The following DPY19L2 variants were observed in gnomAD, a reference collection of about 807,000 sequenced individuals.
DPY19L2 encodes the protein probable C-mannosyltransferase DPY19L2.
A neutral mutation model predicts 97.9 loss-of-function variants in DPY19L2; 34 were observed. That is an observed-to-expected ratio of 0.35 (90% CI 0.26 to 0.46). DPY19L2 has a LOEUF of 0.46. DPY19L2 is among the 20% of genes least tolerant of loss of function. The pLI is 1.00. For synonymous variants in DPY19L2, 230 were observed against 307.9 expected, an observed-to-expected ratio of 0.75 and a Z score of 2.65; for missense variants, 623 against 911.4, an observed-to-expected ratio of 0.68 and a Z score of 4.07.
intron 6 of DPY19L2, among the ~76,000 whole-genome samples, chr12:63,632,422 T>C (rs1592656705): frequency 1.3e-5 from 2 of 152,018 alleles, no homozygotes; most frequent in East Asian, 1.9e-4. Context: ...ACACCACTAA[T>C]AGACAAACAG....
At chr12:63,596,530 A>G (rs1000667610) in intron 14 of DPY19L2, among the ~76,000 whole-genome samples, 5 of 152,200 alleles carry the variant, frequency 3.3e-5, no homozygotes, top group Non-Finnish European at 7.4e-5. Flanking sequence ...GGAGTAATTT[A>G]CCATGTAACT....
Position 63,645,776 on chromosome 12 carries a change from C to T in DPY19L2, c.710-1280G>A, listed in dbSNP as rs182146194. Among the ~76,000 whole-genome samples, 73 of 152,270 alleles carry T rather than the reference C, an allele frequency of 4.8e-4. 1 individual carries two copies. Among genetic ancestry groups the T allele is most frequent in the African/African-American group, 1.7e-3 (72 of 41,552 alleles). ...ATTTCCACATTATCTTTCCTGCAAT[C>T]ACTTGTTGAGAATATAATTGTCTCC... is the stretch of plus-strand genomic sequence containing the variant. On this transcript the variant is annotated intron_variant, in intron 5 of 21. Transcript: ENST00000324472.
intron 15 of DPY19L2, among the ~76,000 whole-genome samples, chr12:63,594,648 GTGTC>G (rs377206608): frequency 0.09 from 11,421 of 127,102 alleles, 671 homozygotes; most frequent in African/African-American, 0.21. Context: ...GTGTGTGTGC[GTGTC>G]TGTGTGTGTG....
At chr12:63,621,418 T>A in intron 8 of DPY19L2, 81 bp from the exon 9 acceptor site, 1 of 722,738 alleles carries the variant, frequency 1.4e-6, no homozygotes, top group East Asian at 2.7e-5. Context: ...TGCAAAATGA[T>A]AAAATCTACA....
intron 12 of DPY19L2, among the ~76,000 whole-genome samples, chr12:63,602,483 G>A (rs560531911): frequency 6.6e-6 from 1 of 152,226 alleles, no homozygotes; most frequent in Non-Finnish European, 1.5e-5. Flanking sequence ...CAAAACTAGT[G>A]TTTAAATTAT....
At chr12:63,583,189 G>A (rs959371813) in intron 17 of DPY19L2, among the ~76,000 whole-genome samples, 12 of 152,086 alleles carry the variant, frequency 7.9e-5, no homozygotes, top group African/African-American at 2.9e-4. Flanking sequence ...CTCAACATGT[G>A]TCATAAACTA....
At chr12:63,601,811 A>G (rs1041593938) in intron 12 of DPY19L2, among the ~76,000 whole-genome samples, 1 of 152,144 alleles carries the variant, frequency 6.6e-6, no homozygotes, top group African/African-American at 2.4e-5. Context: ...AGAAGGAAAA[A>G]GTATCCAGCA....
chr12:63,626,874 G>A (rs562300233), intron 6 of DPY19L2, among the ~76,000 whole-genome samples: 12 of 152,202 alleles, frequency 7.9e-5, no homozygotes, highest in African/African-American at 2.9e-4. Context: ...CGCCTCCTGG[G>A]TTCCAACGAT....
At chr12:63,658,032 T>C (rs149039635) in intron 4 of DPY19L2, among the ~76,000 whole-genome samples, 2 of 152,270 alleles carry the variant, frequency 1.3e-5, no homozygotes, top group East Asian at 3.9e-4. Flanking sequence ...AGGTGTTATA[T>C]TGCAGTTTGT....
At position 63,664,219 on chromosome 12, in the gene DPY19L2, C is replaced by G. The variant is rs1050277976; in HGVS notation, c.363-374G>C. Reference sequence around the variant, plus strand: ...AGCCATGGTAGTGCATGTCTGTAATCCTGGCTGCTAGGGAGGCTGAGGCAG... The same window carrying G: ...AGCCATGGTAGTGCATGTCTGTAATGCTGGCTGCTAGGGAGGCTGAGGCAG... On this transcript the variant is annotated intron_variant, in intron 2 of 21. Transcript: ENST00000324472. Among the ~76,000 whole-genome samples, 3 of 152,036 alleles carry G rather than the reference C, an allele frequency of 2.0e-5. No homozygotes were observed. The East Asian group carries it at 5.8e-4, about 29-fold the overall frequency.
At chr12:63,584,180 C>T (rs1881400117) in intron 16 of DPY19L2, 1 of 168,542 alleles carries the variant, frequency 5.9e-6, no homozygotes, top group Admixed American at 6.2e-5. Context: ...CTTTAGATGA[C>T]CACTGTTAAA....
At chr12:63,564,133 T>C (rs1331465014) in intron 21 of DPY19L2, among the ~76,000 whole-genome samples, 1 of 152,110 alleles carries the variant, frequency 6.6e-6, no homozygotes, top group Non-Finnish European at 1.5e-5. Flanking sequence ...CTGTCTTCAA[T>C]CTTTTAGTTC....
At chr12:63,652,356 C>G (rs1894370824) in intron 4 of DPY19L2, among the ~76,000 whole-genome samples, 1 of 152,134 alleles carries the variant, frequency 6.6e-6, no homozygotes, top group African/African-American at 2.4e-5. Context: ...CTGTGGAAAG[C>G]AGTTTGGAAA....
intron 6 of DPY19L2, among the ~76,000 whole-genome samples, chr12:63,640,346 A>G (rs796073205): frequency 5.9e-5 from 9 of 152,296 alleles, no homozygotes; most frequent in African/African-American, 1.9e-4. Context: ...AACTTAAAGT[A>G]TAATAATAAT....
chr12:63,654,159 GATAAA>G (rs1185174924), intron 4 of DPY19L2, among the ~76,000 whole-genome samples: 2 of 151,954 alleles, frequency 1.3e-5, no homozygotes, highest in Non-Finnish European at 2.9e-5. Context: ...AAAAAACATG[GATAAA>G]ATAAAACAGG....
At chr12:63,589,775 T>G (rs1419058115) in intron 16 of DPY19L2, among the ~76,000 whole-genome samples, 1 of 152,118 alleles carries the variant, frequency 6.6e-6, no homozygotes, top group Admixed American at 6.5e-5. Flanking sequence ...AGTTGACATC[T>G]TGGAAGAAAC....
intron 16 of DPY19L2, among the ~76,000 whole-genome samples, chr12:63,587,092 G>T (rs1264021737): frequency 6.6e-6 from 1 of 151,768 alleles, no homozygotes; most frequent in Non-Finnish European, 1.5e-5. Context: ...ATAAATACAG[G>T]TAAACCAGGA....
intron 15 of DPY19L2, 119 bp from the exon 16 acceptor site, chr12:63,594,252 A>G (rs2137501146): frequency 5.5e-6 from 4 of 732,650 alleles, no homozygotes; most frequent in Non-Finnish European, 8.7e-6. Context: ...TGTTTAAGGG[A>G]GTCCTCAGGA....
chr12:63,597,866 T>C lies in DPY19L2; in HGVS notation c.1404A>G (p.Thr468=). 6.9e-6 allele frequency: 11 copies of C among 1,605,808 alleles called. No individual in the cohort carries two copies. Among genetic ancestry groups the C allele is most frequent in the Non-Finnish European group, 9.3e-6 (11 of 1,177,546 alleles). Residue 468 remains threonine, a synonymous_variant, in exon 14 of 22, where the codon ACA becomes ACG. Transcript: ENST00000324472. ...AGGTATATATTAAAGTATCAAAATC[T>C]GTATACCTTAAGATTCTGGCTGCTA... The part of the protein sequence containing the change: ...DLIAARILRY[T]DFDTLIYTCA...
Sources: gnomAD v4.1 joint callset for allele counts (sites outside exome capture counted in the v4.1 genomes callset) on GRCh38, gnomAD v4.1.1 for gene constraint, MANE v1.5 for transcripts, NCBI Gene and HGNC (gene_info 2026-07-23, HGNC 2026-07-21) for gene names.